SLC20A1: variants seen among roughly 807,000 people sequenced by gnomAD.
SLC20A1 encodes solute carrier family 20 member 1.
In SLC20A1, 28 loss-of-function variants were observed where a neutral mutation model predicts 62.7. The observed-to-expected ratio is 0.45, with a 90% CI of 0.33 to 0.61. SLC20A1 has a LOEUF of 0.61. Among genes scored for constraint, SLC20A1 ranks in the 20% least tolerant of loss-of-function variants. The pLI is 0.02. For synonymous variants in SLC20A1, 305 were observed against 302.9 expected, an observed-to-expected ratio of 1.01 and a Z score of -0.07; for missense variants, 673 against 838.6, an observed-to-expected ratio of 0.80 and a Z score of 2.44.
chr2:112,647,738 G>C lies in SLC20A1; in HGVS notation c.561G>C (p.Lys187Asn), dbSNP rs1438821429. 1 of 1,611,720 alleles carries C rather than the reference G, an allele frequency of 6.2e-7. No homozygotes were observed. Among genetic ancestry groups the C allele is most frequent in the Non-Finnish European group, 8.5e-7 (1 of 1,177,990 alleles). The change falls in exon 4 of 11, where the codon AAG (lysine) becomes AAC (asparagine). Residue 187 changes from lysine to asparagine, a missense_variant and splice_region_variant. Transcript: ENST00000272542. ...TGGTTCGTGCATTCATCCTCCATAA[G>C]GTAACCTTTCTCCCCCGTATGAAGA... is the stretch of plus-strand genomic sequence containing the variant. ...FFLVRAFILH[K>N]ADPVPNGLRA...
intron 5 of SLC20A1, among the ~76,000 whole-genome samples, chr2:112,655,913 C>T: frequency 6.6e-6 from 1 of 152,086 alleles, no homozygotes; most frequent in Non-Finnish European, 1.5e-5. Context: ...GTTGGCCAGG[C>T]TGGTCTTGAA....
chr2:112,655,258 C>T (rs1268601077), intron 5 of SLC20A1, among the ~76,000 whole-genome samples: 3 of 151,782 alleles, frequency 2.0e-5, no homozygotes, highest in East Asian at 1.9e-4. Context: ...CGTGAGCTGC[C>T]GCGTCTGGCC....
chr2:112,649,185 A>G (rs1321278833), intron 4 of SLC20A1, among the ~76,000 whole-genome samples: 2 of 152,264 alleles, frequency 1.3e-5, no homozygotes, highest in Non-Finnish European at 2.9e-5. Context: ...TGAGGAATGC[A>G]TACCCCCACG....
At chr2:112,654,681 G>A (rs1211268874) in intron 5 of SLC20A1, among the ~76,000 whole-genome samples, 1 of 152,038 alleles carries the variant, frequency 6.6e-6, no homozygotes, top group Non-Finnish European at 1.5e-5. Flanking sequence ...TGGATCATGA[G>A]GTCAGGAGTT....
chr2:112,652,208 C>G (rs1057116291), intron 4 of SLC20A1: 1 of 156,986 alleles, frequency 6.4e-6, no homozygotes, highest in East Asian at 1.9e-4. Context: ...CATTGAACTT[C>G]GGTAAAGCAT....
intron 5 of SLC20A1, among the ~76,000 whole-genome samples, chr2:112,653,899 TCTC>T (rs1408090339): frequency 2.6e-5 from 4 of 152,094 alleles, no homozygotes; most frequent in Non-Finnish European, 5.9e-5. Context: ...TTCAAGCAAT[TCTC>T]CTGCTTCAGC....
Position 112,647,155 on chromosome 2 carries a change from T to C in SLC20A1, c.327T>C (p.Ala109=), listed in dbSNP as rs747762749. 6.2e-7 allele frequency: 1 copy of C among 1,611,292 alleles called. No homozygotes were observed. Among genetic ancestry groups the C allele is most frequent in the Non-Finnish European group, 8.5e-7 (1 of 1,177,814 alleles). ...QGLLMAGSVS[A]MFGSAVWQLV... ...TGCTGATGGCCGGCTCAGTCAGTGCTATGTTTGGTAAGTTCTTTTTATGTT... is the reference window on the plus strand; with the variant it reads ...TGCTGATGGCCGGCTCAGTCAGTGCCATGTTTGGTAAGTTCTTTTTATGTT... Residue 109 remains alanine, a synonymous_variant, in exon 2 of 11, where the codon GCT becomes GCC. Transcript: ENST00000272542.
intron 5 of SLC20A1, among the ~76,000 whole-genome samples, chr2:112,655,564 G>A (rs1686562214): frequency 6.6e-6 from 1 of 150,394 alleles, no homozygotes; most frequent in Admixed American, 6.6e-5. Context: ...TTTCAGGGAT[G>A]GGGTCTTGCT....
At position 112,657,224 on chromosome 2, in the gene SLC20A1, T is replaced by G. The variant is rs1253881123; in HGVS notation, c.761T>G (p.Met254Arg). The G allele has an allele frequency of 6.2e-7, 1 of 1,613,196 alleles. No homozygotes were observed. The highest frequency in any genetic ancestry group is 8.5e-7 in the Non-Finnish European group (1 of 1,179,700). Reference sequence around the variant, plus strand: ...GTCTGGTTCTTTGTATGTCCCAGGATGAAGAGAAAAATTGAACGTAAGTAA... The same window carrying G: ...GTCTGGTTCTTTGTATGTCCCAGGAGGAAGAGAAAAATTGAACGTAAGTAA... Reference protein sequence around the residue: ...LIVWFFVCPRMKRKIEREIKC... With the variant: ...LIVWFFVCPRRKRKIEREIKC... Residue 254 changes from methionine to arginine, a missense_variant, in exon 6 of 11, where the codon ATG (methionine) becomes AGG (arginine). Coordinates refer to ENST00000272542, the MANE Select transcript of SLC20A1 (RefSeq NM_005415.5).
At chr2:112,657,707 T>C (rs565281790) in intron 6 of SLC20A1, among the ~76,000 whole-genome samples, 147 of 152,398 alleles carry the variant, frequency 9.6e-4, no homozygotes, top group African/African-American at 3.5e-3. Flanking sequence ...GTCTAATGTG[T>C]ACATGTTGTA....
In SLC20A1 at chr2:112,663,492, T is replaced by C. The variant is rs1645085156; in HGVS notation, c.*467T>C. 6.7e-6 allele frequency: 2 copies of C among 299,480 alleles called. No homozygotes were observed. Among genetic ancestry groups the C allele is most frequent in the Non-Finnish European group, 1.3e-5 (2 of 155,938 alleles). The allele number at this position is 299,480 out of a possible 1,614,324, so 18.6% of individuals were successfully genotyped here. A position where few individuals can be genotyped will look rare whatever the true frequency, so the allele number is the denominator to read the frequency against. ...AACTACAACTTCCCTTGTAGTCTCT[T>C]ATATAAGTAGAGTCCTTGGTACTCT... On this transcript the variant is annotated 3_prime_UTR_variant, in exon 11 of 11. Coordinates refer to ENST00000272542, the MANE Select transcript of SLC20A1 (RefSeq NM_005415.5).
chr2:112,647,167 G>A lies in SLC20A1; in HGVS notation c.334+5G>A. 1.2e-6 allele frequency: 2 copies of A among 1,608,790 alleles called. No homozygotes were observed. ...GCTCAGTCAGTGCTATGTTTGGTAA[G>A]TTCTTTTTATGTTTTGTCCTCTTCG... On this transcript the variant is annotated splice_donor_5th_base_variant and intron_variant, in intron 2 of 10. Coordinates refer to ENST00000272542, the MANE Select transcript of SLC20A1 (RefSeq NM_005415.5).
chr2:112,647,810 T>G, intron 4 of SLC20A1, 72 bp downstream of exon 4: 1 of 1,234,902 alleles, frequency 8.1e-7, no homozygotes, highest in East Asian at 2.3e-5. Flanking sequence ...GTGGTACTTT[T>G]GCAGATGTGA....
chr2:112,661,279 T>A (rs1686741880), intron 10 of SLC20A1, 53 bp downstream of exon 10: 1 of 1,387,526 alleles, frequency 7.2e-7, no homozygotes. Context: ...ATATGTAGGG[T>A]TTTTAGTTTT....
chr2:112,655,614 G>A (rs1042331800), intron 5 of SLC20A1, among the ~76,000 whole-genome samples: 1 of 150,538 alleles, frequency 6.6e-6, no homozygotes, highest in African/African-American at 2.4e-5. Context: ...GGCTCAGGGT[G>A]TTCTCACACT....
Position 112,658,887 on chromosome 2 carries a change from G to A in SLC20A1, c.841G>A (p.Asp281Asn). 6.2e-7 allele frequency: 1 copy of A among 1,614,090 alleles called. No individual in the cohort carries two copies. The highest frequency in any genetic ancestry group is 8.5e-7 in the Non-Finnish European group (1 of 1,179,976). Reference protein sequence around the residue: ...LMEKKNSLKEDHEETKLSVGD... With the variant: ...LMEKKNSLKENHEETKLSVGD... ...GGAAAAAAAGAATAGCTTGAAAGAA[G>A]ACCATGAAGAAACAAAGTTGTCTGT... The change falls in exon 7 of 11, where the codon GAC becomes AAC. Residue 281 changes from aspartate (D) to asparagine (N), a missense_variant. Physicochemically the swap from Asp to Asn is conservative, Grantham distance 23. Transcript: ENST00000272542.
rs772066884 is a variant in SLC20A1 at position 112,658,815 on chromosome 2, T to C, written c.779-10T>C. The C allele has an allele frequency of 3.2e-5, 51 of 1,583,358 alleles. No individual in the cohort carries two copies. Among genetic ancestry groups the C allele is most frequent in the Admixed American group, 7.4e-5 (4 of 54,080 alleles). On this transcript the variant is annotated splice_polypyrimidine_tract_variant and intron_variant, in intron 6 of 10. Transcript: ENST00000272542. ...ACCAAACCAAAAAAGACCCCCCTTT[T>C]TTTTCCTAGGAGAAATAAAGTGTAG...
rs1686289030 is a variant in SLC20A1, at chr2:112,646,726, AAT to A, written c.-96_-95del. The A allele has an allele frequency of 6.4e-6, 3 of 471,276 alleles. No individual in the cohort carries two copies. 29.2% of individuals were successfully genotyped at this position (471,276 alleles called of 1,614,324 possible). On this transcript the variant is annotated 5_prime_UTR_variant, in exon 2 of 11. Transcript: ENST00000272542. Reference sequence around the variant, plus strand: ...TAGTTTACAGTATTTAATTTTATATAATATATATTATTTATTATAGCATTTTT... The same window carrying A: ...TAGTTTACAGTATTTAATTTTATATAATATATTATTTATTATAGCATTTTT...
intron 5 of SLC20A1, chr2:112,653,112 C>A: frequency 4.4e-6 from 2 of 450,528 alleles, no homozygotes; most frequent in Non-Finnish European, 8.2e-6. Context: ...ATACTGACCT[C>A]AACTACTGAA....
Sources: gnomAD v4.1 joint callset for allele counts (sites outside exome capture counted in the v4.1 genomes callset) on GRCh38, gnomAD v4.1.1 for gene constraint, MANE v1.5 for transcripts, NCBI Gene and HGNC (gene_info 2026-07-23, HGNC 2026-07-21) for gene names.